The following CLASP2 variants were observed in gnomAD, a reference collection of about 807,000 sequenced individuals.
CLASP2 encodes the protein CLIP-associating protein 2.
A neutral mutation model predicts 194.4 loss-of-function variants in CLASP2; 47 were observed. That is an observed-to-expected ratio of 0.24 (90% CI 0.19 to 0.31). The LOEUF (loss-of-function observed/expected upper bound fraction) is 0.31, where lower values mean the gene tolerates loss of function less well. CLASP2 is among the 10% of genes least tolerant of loss of function. The pLI, the probability that CLASP2 is intolerant of heterozygous loss-of-function variation, is 1.00. For missense variants in CLASP2, 1,445 were observed against 1,823.6 expected, an observed-to-expected ratio of 0.79 and a Z score of 3.78; for synonymous variants, 619 against 633.5, an observed-to-expected ratio of 0.98 and a Z score of 0.34.
chr3:33,534,781 T>A (rs1010196063), intron 34 of CLASP2, among the ~76,000 whole-genome samples: 3 of 152,184 alleles, frequency 2.0e-5, no homozygotes, highest in Non-Finnish European at 4.4e-5. Context: ...TTCACCCAAA[T>A]TCAAATCCTA....
intron 12 of CLASP2, among the ~76,000 whole-genome samples, chr3:33,612,887 G>A (rs1299372086): frequency 6.6e-6 from 1 of 152,144 alleles, no homozygotes; most frequent in African/African-American, 2.4e-5. Context: ...CAGAGGCTAG[G>A]AAGGATAGGG....
chr3:33,628,189 T>G (rs573773228), intron 9 of CLASP2, among the ~76,000 whole-genome samples: 1 of 152,136 alleles, frequency 6.6e-6, no homozygotes, highest in Non-Finnish European at 1.5e-5. Context: ...TGCGTGTAAA[T>G]GCAAAGGAGA....
chr3:33,631,417 C>G (rs999158370), intron 9 of CLASP2, among the ~76,000 whole-genome samples: 7 of 152,136 alleles, frequency 4.6e-5, no homozygotes, highest in Non-Finnish European at 8.8e-5. Context: ...TCATTGCAGG[C>G]TGGTGTGGTG....
rs113632025 is a variant in CLASP2 at position 33,628,622 on chromosome 3, A to T, written c.943-1542T>A. On this transcript the variant is annotated intron_variant, in intron 9 of 38. Coordinates refer to ENST00000682230, the MANE Select transcript of CLASP2 (RefSeq NM_001365631.1). Reference sequence around the variant, plus strand: ...GACCATTATTCCAATTTCAAACAGGATAAGTTTGAGGTGTCTTTGAGACAT... The same window carrying T: ...GACCATTATTCCAATTTCAAACAGGTTAAGTTTGAGGTGTCTTTGAGACAT... Among the ~76,000 whole-genome samples, 5 of 152,158 alleles carry T rather than the reference A, an allele frequency of 3.3e-5. No individual in the cohort carries two copies. The South Asian group carries it at 1.0e-3, about 32-fold the overall frequency.
intron 28 of CLASP2, among the ~76,000 whole-genome samples, chr3:33,560,304 G>A (rs1265544174): frequency 6.6e-6 from 1 of 151,196 alleles, no homozygotes; most frequent in African/African-American, 2.4e-5. Flanking sequence ...GTGCAGTGGT[G>A]CAATCTCGGC....
intron 7 of CLASP2, chr3:33,659,135 C>G (rs558047372): frequency 5.0e-6 from 7 of 1,413,486 alleles, no homozygotes; most frequent in Non-Finnish European, 6.4e-6. Flanking sequence ...AGCTCTGCAC[C>G]GCAATAGCCA....
intron 34 of CLASP2, among the ~76,000 whole-genome samples, chr3:33,529,377 C>A (rs918336849): frequency 6.6e-6 from 1 of 152,000 alleles, no homozygotes; most frequent in Admixed American, 6.6e-5. Context: ...CAAGCCTAGG[C>A]AAAAAGAACA....
At chr3:33,620,901 C>A (rs1373693975) in intron 11 of CLASP2, among the ~76,000 whole-genome samples, 2 of 152,066 alleles carry the variant, frequency 1.3e-5, no homozygotes, top group Admixed American at 1.3e-4. Flanking sequence ...CCCAGGCATT[C>A]GTTCCCTTCC....
chr3:33,672,999 C>G (rs1488680318), intron 6 of CLASP2, among the ~76,000 whole-genome samples: 1 of 152,118 alleles, frequency 6.6e-6, no homozygotes, highest in African/African-American at 2.4e-5. Flanking sequence ...GAGAATGGAA[C>G]CAAGTTGGAA....
intron 6 of CLASP2, among the ~76,000 whole-genome samples, chr3:33,663,723 T>C (rs1216645144): frequency 6.6e-6 from 1 of 152,164 alleles, no homozygotes. Flanking sequence ...GGTAGGACTC[T>C]ACATATTTGC....
intron 6 of CLASP2, among the ~76,000 whole-genome samples, chr3:33,673,880 C>T (rs964318557): frequency 5.9e-5 from 9 of 152,142 alleles, no homozygotes; most frequent in African/African-American, 2.2e-4. Flanking sequence ...ATCAATTCAA[C>T]AAGAAGAGCT....
chr3:33,624,491 G>A (rs552652776), intron 10 of CLASP2, among the ~76,000 whole-genome samples: 1 of 152,114 alleles, frequency 6.6e-6, no homozygotes, highest in African/African-American at 2.4e-5. Flanking sequence ...ATAAGAAAAA[G>A]ACAAATATAG....
chr3:33,614,578 C>G (rs1406720420), intron 12 of CLASP2, among the ~76,000 whole-genome samples: 1 of 152,164 alleles, frequency 6.6e-6, no homozygotes, highest in Non-Finnish European at 1.5e-5. Context: ...ACAAAACTTC[C>G]TAAAGGTTGC....
At chr3:33,666,020 T>C (rs532262575) in intron 6 of CLASP2, among the ~76,000 whole-genome samples, 106 of 152,216 alleles carry the variant, frequency 7.0e-4, no homozygotes, top group African/African-American at 2.4e-3. Context: ...AGGATAAGGA[T>C]AGAGGCCAGT....
intron 23 of CLASP2, among the ~76,000 whole-genome samples, chr3:33,580,117 G>C (rs2065716041): frequency 6.6e-6 from 1 of 152,206 alleles, no homozygotes; most frequent in African/African-American, 2.4e-5. Flanking sequence ...AGAGGGAAAA[G>C]AAAGAGGGAA....
intron 8 of CLASP2, 135 bp from the exon 9 acceptor site, chr3:33,632,506 C>A (rs2079273381): frequency 3.0e-6 from 2 of 663,958 alleles, no homozygotes; most frequent in East Asian, 5.8e-5. Context: ...TATAAGAAAG[C>A]ATTTAAAAAA....
intron 16 of CLASP2, among the ~76,000 whole-genome samples, chr3:33,605,186 T>A (rs2073483591): frequency 6.6e-6 from 1 of 151,970 alleles, no homozygotes; most frequent in African/African-American, 2.4e-5. Flanking sequence ...TTGCAAAAAA[T>A]GAAAAATCTC....
At chr3:33,529,999 A>AT (rs1481343897) in intron 34 of CLASP2, among the ~76,000 whole-genome samples, 2,350 of 148,218 alleles carry the variant, frequency 0.016, 88 homozygotes, top group African/African-American at 0.058. Flanking sequence ...AAAAAAAAAA[A>AT]AAAAAAAAAA....
intron 29 of CLASP2, among the ~76,000 whole-genome samples, chr3:33,554,163 G>A (rs1171210411): frequency 6.7e-6 from 1 of 149,240 alleles, no homozygotes; most frequent in East Asian, 2.0e-4. Flanking sequence ...GGGAGGTGGA[G>A]TTCCAGTGAA....
Sources: allele counts gnomAD v4.1 joint callset (sites outside exome capture counted in the v4.1 genomes callset), GRCh38; gene constraint gnomAD v4.1.1; transcripts MANE v1.5; gene names NCBI Gene and HGNC (gene_info 2026-07-23, HGNC 2026-07-21).